The following TMEM67 variants were observed in gnomAD, a reference collection of about 807,000 sequenced individuals.
TMEM67 encodes the protein meckelin.
A neutral mutation model predicts 136.6 loss-of-function variants in TMEM67; 124 were observed. The observed-to-expected ratio is 0.91, with a 90% CI of 0.78 to 1.05. The LOEUF is 1.05. TMEM67 is among the 50% of genes least tolerant of loss of function. TMEM67 has a pLI of 0.00. For synonymous variants in TMEM67, 364 were observed against 390.5 expected (o/e 0.93, Z 0.80); for missense variants, 1,107 against 1,178.4 (o/e 0.94, Z 0.89).
At chr8:93,818,572 G>A (rs1363335503), downstream of TMEM67, among the ~76,000 whole-genome samples, 1 of 152,036 alleles carries the variant, frequency 6.6e-6, no homozygotes, top group Non-Finnish European at 1.5e-5. Context: ...ATAAGCTGAG[G>A]GGAAATAACT....
In TMEM67 at chr8:93,790,635, A is replaced by G. The variant is rs530234010; in HGVS notation, c.1519-628A>G. On this transcript the variant is annotated intron_variant, in intron 14 of 27. Coordinates refer to ENST00000453321, the MANE Select transcript of TMEM67 (RefSeq NM_153704.6). Reference sequence around the variant, plus strand: ...CATCATTTGCAGTCTGGCTCTTGCCATTTACTTCTTTGAAAACCTCTTTCA... The same window carrying G: ...CATCATTTGCAGTCTGGCTCTTGCCGTTTACTTCTTTGAAAACCTCTTTCA... 3.3e-5 allele frequency among the ~76,000 whole-genome samples: 5 copies of G among 152,206 alleles called. No individual in the cohort carries two copies. The South Asian group carries it at 8.3e-4, about 25-fold the overall frequency.
chr8:93,758,619 A>G, intron 3 of TMEM67, 43 bp downstream of exon 3: 1 of 1,478,874 alleles, frequency 6.8e-7, no homozygotes, highest in East Asian at 2.3e-5. Flanking sequence ...ATAAATCTTC[A>G]TTCTTGTTTT....
chr8:93,758,086 A>G (rs916318161), intron 2 of TMEM67, among the ~76,000 whole-genome samples: 2 of 152,246 alleles, frequency 1.3e-5, no homozygotes, highest in Non-Finnish European at 2.9e-5. Context: ...ATTTTTAAAA[A>G]TTAGAATAGA....
At chr8:93,810,296 T>C (rs959235779) in intron 26 of TMEM67, among the ~76,000 whole-genome samples, 2 of 149,924 alleles carry the variant, frequency 1.3e-5, no homozygotes, top group African/African-American at 4.9e-5. Context: ...TTAATAATTT[T>C]TTGGCTAGGT....
chr8:93,793,347 G>C (rs1814471161), intron 16 of TMEM67, 51 bp downstream of exon 16: 2 of 1,454,206 alleles, frequency 1.4e-6, no homozygotes, highest in Non-Finnish European at 9.7e-7. Context: ...GACCATTCTG[G>C]ATCCTTCTCA....
chr8:93,797,134 G>T lies in TMEM67; in HGVS notation c.1861G>T (p.Ala621Ser). ...TYVGCAFALKALQFLHKLISQ... is the reference protein window; with the variant it reads ...TYVGCAFALKSLQFLHKLISQ... ...GTGTTTTATTATATGTCATTCTCAG[G>T]CACTACAATTTTTGCATAAGCTCAT... The change falls in exon 19 of 28, where the codon GCA (alanine) becomes TCA (serine). Residue 621 changes from alanine (A) to serine (S), a missense_variant and splice_region_variant. Ala to Ser is a moderately conservative substitution (Grantham distance 99). Coordinates refer to ENST00000453321, the MANE Select transcript of TMEM67 (RefSeq NM_153704.6). 1 of 1,584,118 alleles carries T rather than the reference G, an allele frequency of 6.3e-7. No homozygotes were observed.
chr8:93,763,072 G>C, intron 3 of TMEM67: 2 of 246,276 alleles, frequency 8.1e-6, no homozygotes, highest in South Asian at 3.4e-5. Context: ...ACAGGCACGT[G>C]CCACCACACC....
the TMEM67 span, among the ~76,000 whole-genome samples, chr8:93,826,230 C>T: frequency 0.019 from 2,709 of 143,590 alleles, 86 homozygotes; most frequent in African/African-American, 0.066. Context: ...CCCAGGTTCA[C>T]GCCATTCTCC....
Position 93,795,426 on chromosome 8 carries a change from G to A in TMEM67, c.1692G>A (p.Leu564=). ...MIDLQTVVKF[L]VYYAGDLANV... ...AATTGCAGACAGTTGTGAAATTCTTGGTGTACTATGCTGGTGATCTGGCCA... is the reference window on the plus strand; with the variant it reads ...AATTGCAGACAGTTGTGAAATTCTTAGTGTACTATGCTGGTGATCTGGCCA... The change falls in exon 17 of 28, where the codon TTG becomes TTA. Residue 564 remains leucine, a synonymous_variant. Coordinates refer to ENST00000453321, the MANE Select transcript of TMEM67 (RefSeq NM_153704.6). The A allele has an allele frequency of 6.2e-7, 1 of 1,613,892 alleles. No homozygotes were observed. Among genetic ancestry groups the A allele is most frequent in the Non-Finnish European group, 8.5e-7 (1 of 1,179,852 alleles).
At chr8:93,798,350 G>A (rs958464888) in intron 20 of TMEM67, among the ~76,000 whole-genome samples, 1 of 152,130 alleles carries the variant, frequency 6.6e-6, no homozygotes, top group Non-Finnish European at 1.5e-5. Context: ...CCCTACCCCC[G>A]ATCCATATTC....
At chr8:93,795,272 T>G in intron 16 of TMEM67, 137 bp from the exon 17 acceptor site, 1 of 780,398 alleles carries the variant, frequency 1.3e-6, no homozygotes, top group East Asian at 2.6e-5. Context: ...TCTTTATAGC[T>G]GGATCATATG....
chr8:93,804,896 A>G lies in TMEM67; in HGVS notation c.2439+18A>G. ...GAGAAGCGGTATGAAAATGTTTTAC[A>G]TCTTTTTGTTTTTAAGTTGAGAAGT... On this transcript the variant is annotated intron_variant, in intron 23 of 27. Coordinates refer to ENST00000453321, the MANE Select transcript of TMEM67 (RefSeq NM_153704.6). The G allele has an allele frequency of 1.4e-6, 2 of 1,396,038 alleles. No individual in the cohort carries two copies. Among genetic ancestry groups the G allele is most frequent in the Non-Finnish European group, 2.0e-6 (2 of 982,190 alleles). 86.5% of individuals were successfully genotyped at this position (1,396,038 alleles called of 1,614,324 possible). A position where few individuals can be genotyped will look rare whatever the true frequency, so the allele number is the denominator to read the frequency against.
chr8:93,827,698 A>G, the TMEM67 span, among the ~76,000 whole-genome samples: 1 of 151,348 alleles, frequency 6.6e-6, no homozygotes, highest in East Asian at 1.9e-4. Flanking sequence ...TGCTCAAGCA[A>G]TCTTCCTGCC....
chr8:93,765,594 G>A lies in TMEM67; in HGVS notation c.599G>A (p.Ser200Asn), dbSNP rs1284289042. Residue 200 changes from serine to asparagine, a missense_variant, in exon 6 of 28, where the codon AGC (serine) becomes AAC (asparagine). Transcript: ENST00000453321. The stretch of plus-strand genomic sequence containing the variant: ...AAGACAGGGGGATTATGTTTCAGCA[G>A]CACAGGGAATTTTCCTCTACGTAGA... Reference protein sequence around the residue: ...NILTGGLCFSSTGNFPLRRIS... With the variant: ...NILTGGLCFSNTGNFPLRRIS... 6 of 1,613,042 alleles carry A rather than the reference G, an allele frequency of 3.7e-6. No individual in the cohort carries two copies. In the African/African-American group the frequency reaches 8.0e-5, roughly 22 times the overall value.
At position 93,795,443 on chromosome 8, in the gene TMEM67, A is replaced by G; in HGVS notation, c.1709A>G (p.Asp570Gly). 1 of 1,614,010 alleles carries G rather than the reference A, an allele frequency of 6.2e-7. No homozygotes were observed. The highest frequency in any genetic ancestry group is 1.1e-5 in the South Asian group (1 of 91,078). The part of the protein sequence containing the change: ...VVKFLVYYAG[D>G]LANVFFIITV... ...AAATTCTTGGTGTACTATGCTGGTG[A>G]TCTGGCCAATGTTTTCTTTATCATC... is the stretch of plus-strand genomic sequence containing the variant. Residue 570 changes from aspartate to glycine, a missense_variant, in exon 17 of 28, where the codon GAT becomes GGT. Physicochemically the swap from Asp to Gly is moderately conservative, Grantham distance 94. Coordinates refer to ENST00000453321, the MANE Select transcript of TMEM67 (RefSeq NM_153704.6).
chr8:93,809,795 A>G lies in TMEM67; in HGVS notation c.2672A>G (p.Glu891Gly). ...LGSFIDHVHK[E>G]MDYFIKDKLL... ...CTTTTTCTTTATTAGGTTCATAAGG[A>G]AATGGATTACTTTATAAAAGATAAG... Residue 891 changes from glutamate to glycine, a missense_variant, in exon 26 of 28, where the codon GAA becomes GGA. Around this residue, in one of 3 missense-constraint regions of TMEM67, gnomAD observed 925 missense variants for 1,002.4 expected, o/e 0.92. Coordinates refer to ENST00000453321, the MANE Select transcript of TMEM67 (RefSeq NM_153704.6). The G allele has an allele frequency of 6.4e-7, 1 of 1,564,136 alleles. No individual in the cohort carries two copies. Among genetic ancestry groups the G allele is most frequent in the Non-Finnish European group, 8.8e-7 (1 of 1,135,268 alleles).
intron 21 of TMEM67, among the ~76,000 whole-genome samples, 176 bp from the exon 22 acceptor site, chr8:93,803,428 C>T (rs1402805603): frequency 1.4e-4 from 21 of 152,156 alleles, no homozygotes. Context: ...TTCTAAAATC[C>T]TCCTCCCTTT....
intron 25 of TMEM67, 88 bp downstream of exon 25, chr8:93,809,249 A>T: frequency 3.6e-6 from 3 of 822,710 alleles, no homozygotes; most frequent in Non-Finnish European, 6.3e-6. Context: ...CTTCAAGTCA[A>T]CCAAGTCAGT....
chr8:93,815,496 A>G, intron 27 of TMEM67, 49 bp downstream of exon 27: 1 of 1,508,528 alleles, frequency 6.6e-7, no homozygotes, highest in Non-Finnish European at 9.2e-7. Flanking sequence ...CTTGAGAGAA[A>G]TATGTTAGAA....
Sources: allele counts gnomAD v4.1 joint callset (sites outside exome capture counted in the v4.1 genomes callset), GRCh38; gene constraint gnomAD v4.1.1; regional missense constraint gnomAD v4.1.1; transcripts MANE v1.5; gene names NCBI Gene and HGNC (gene_info 2026-07-23, HGNC 2026-07-21).